Variants in PSD3 observed in about 807,000 individuals in gnomAD.
PSD3 encodes pleckstrin and Sec7 domain containing 3.
Under a neutral mutation model 105.5 loss-of-function variants are expected in PSD3, and 49 were observed. The ratio of observed to expected loss-of-function variants is 0.46; its 90% CI spans 0.37 to 0.59. PSD3 has a LOEUF of 0.59. Ranked by LOEUF, PSD3 falls within the 20% of genes least tolerant of loss-of-function variation. The pLI is 0.00. For missense variants in PSD3, 1,561 were observed against 1,263.8 expected, an observed-to-expected ratio of 1.24 and a Z score of -3.57; for synonymous variants, 557 against 457.8, an observed-to-expected ratio of 1.22 and a Z score of -2.77.
intron 9 of PSD3, among the ~76,000 whole-genome samples, chr8:18,722,674 G>A (rs1187093829): frequency 6.6e-6 from 1 of 152,130 alleles, no homozygotes; most frequent in East Asian, 1.9e-4. Flanking sequence ...CCAAGTAGGA[G>A]GAGAAAGAAG....
At chr8:18,991,106 A>G (rs1477399106) in intron 1 of PSD3, among the ~76,000 whole-genome samples, 3 of 152,120 alleles carry the variant, frequency 2.0e-5, no homozygotes, top group Non-Finnish European at 2.9e-5. Context: ...CGGGTTTTAC[A>G]TGGGCCCAAT....
chr8:18,952,116 T>C (rs1035545693), intron 1 of PSD3, among the ~76,000 whole-genome samples: 1 of 152,186 alleles, frequency 6.6e-6, no homozygotes, highest in Non-Finnish European at 1.5e-5. Flanking sequence ...ACCTTTGTTC[T>C]TAAATACAGA....
At chr8:18,879,084 A>ACACG (rs879424807) in intron 2 of PSD3, among the ~76,000 whole-genome samples, 2 of 130,188 alleles carry the variant, frequency 1.5e-5, no homozygotes, top group Admixed American at 7.5e-5. Context: ...ACACACACAC[A>ACACG]CACGCACACA....
At chr8:18,942,690 C>T (rs1338906636) in intron 1 of PSD3, among the ~76,000 whole-genome samples, 1 of 152,138 alleles carries the variant, frequency 6.6e-6, no homozygotes, top group African/African-American at 2.4e-5. Flanking sequence ...GAGAAGGTGG[C>T]CATCTGCAAG....
At chr8:18,890,416 CA>C (rs1818713750) in intron 2 of PSD3, among the ~76,000 whole-genome samples, 1 of 151,940 alleles carries the variant, frequency 6.6e-6, no homozygotes, top group Non-Finnish European at 1.5e-5. Context: ...ATCAGAATTC[CA>C]AGAAGATATT....
intron 4 of PSD3, among the ~76,000 whole-genome samples, chr8:18,819,052 T>C (rs1243597993): frequency 8.3e-6 from 1 of 120,316 alleles, no homozygotes; most frequent in African/African-American, 2.9e-5. Flanking sequence ...CTTAAGAAAG[T>C]GAACTGGAGA....
intron 1 of PSD3, among the ~76,000 whole-genome samples, chr8:19,073,095 G>C (rs557467057): frequency 6.6e-6 from 1 of 152,024 alleles, no homozygotes; most frequent in Non-Finnish European, 1.5e-5. Context: ...TGTAATTCAT[G>C]AATAACTTAT....
chr8:18,800,179 A>T (rs1401748677), intron 7 of PSD3, among the ~76,000 whole-genome samples: 5 of 152,338 alleles, frequency 3.3e-5, no homozygotes, highest in African/African-American at 1.2e-4. Flanking sequence ...TCACGAATCC[A>T]TATTTCTTAT....
chr8:18,963,396 A>G (rs1447659155), intron 1 of PSD3, among the ~76,000 whole-genome samples: 2 of 152,212 alleles, frequency 1.3e-5, no homozygotes, highest in Non-Finnish European at 2.9e-5. Flanking sequence ...TTCTCATGCA[A>G]ATACCAGAGC....
At chr8:18,752,618 ATATATAT>A (rs1805681773) in intron 9 of PSD3, among the ~76,000 whole-genome samples, 2 of 73,022 alleles carry the variant, frequency 2.7e-5, no homozygotes, top group African/African-American at 1.3e-4. Flanking sequence ...AATACATATA[ATATATAT>A]TATATATAAT....
chr8:18,585,275 T>C (rs1404001945), intron 12 of PSD3, among the ~76,000 whole-genome samples: 1 of 152,144 alleles, frequency 6.6e-6, no homozygotes, highest in Non-Finnish European at 1.5e-5. Flanking sequence ...TGTAGGAAGA[T>C]TGTGAAAAGG....
At position 18,564,464 on chromosome 8, in the gene PSD3, A is replaced by G. The variant is rs1244730648; in HGVS notation, c.2784+8064T>C. ...GCCAACATGGTGAAACCCCGTCTCT[A>G]CTAAAAATAAACACATTAGCTGGGC... On this transcript the variant is annotated intron_variant, in intron 14 of 15. Transcript: ENST00000327040. Among the ~76,000 whole-genome samples, 4 of 152,066 alleles carry G rather than the reference A, an allele frequency of 2.6e-5. No individual in the cohort carries two copies. In the East Asian group the frequency reaches 7.8e-4, roughly 29 times the overall value.
chr8:19,077,004 T>C (rs1227019279), intron 1 of PSD3, among the ~76,000 whole-genome samples: 1 of 152,218 alleles, frequency 6.6e-6, no homozygotes, highest in Non-Finnish European at 1.5e-5. Flanking sequence ...CTAGTCTTGA[T>C]TGTTTATTAC....
chr8:19,068,851 G>T (rs970592102), intron 1 of PSD3, among the ~76,000 whole-genome samples: 1 of 151,878 alleles, frequency 6.6e-6, no homozygotes, highest in Non-Finnish European at 1.5e-5. Flanking sequence ...GGCTCTGACT[G>T]TGTGAAAAAT....
chr8:19,061,083 C>A (rs1278132786), intron 1 of PSD3, among the ~76,000 whole-genome samples: 1 of 152,186 alleles, frequency 6.6e-6, no homozygotes, highest in Non-Finnish European at 1.5e-5. Flanking sequence ...TGCCAGCCTC[C>A]ACCAGCAGCA....
At chr8:18,737,436 C>T (rs1585781122) in intron 9 of PSD3, among the ~76,000 whole-genome samples, 1 of 152,216 alleles carries the variant, frequency 6.6e-6, no homozygotes, top group Middle Eastern at 3.4e-3. Context: ...GCGATCCTCC[C>T]ACCTCAGCCT....
chr8:18,995,303 C>A (rs1162904806), intron 1 of PSD3, among the ~76,000 whole-genome samples: 1 of 152,112 alleles, frequency 6.6e-6, no homozygotes, highest in Non-Finnish European at 1.5e-5. Context: ...TTGGCCTAGT[C>A]TCTTCAGCTA....
chr8:18,789,767 G>A (rs974368531), intron 8 of PSD3, among the ~76,000 whole-genome samples: 1 of 152,204 alleles, frequency 6.6e-6, no homozygotes, highest in African/African-American at 2.4e-5. Context: ...GGAAACAAGA[G>A]TCAGGGGTTT....
chr8:18,987,017 A>C (rs981582061), intron 1 of PSD3, among the ~76,000 whole-genome samples: 2 of 152,168 alleles, frequency 1.3e-5, no homozygotes, highest in African/African-American at 4.8e-5. Flanking sequence ...TTTCACAAAA[A>C]AAATTTGCAA....
Sources: gnomAD v4.1 joint callset for allele counts (sites outside exome capture counted in the v4.1 genomes callset) on GRCh38, gnomAD v4.1.1 for gene constraint, MANE v1.5 for transcripts, NCBI Gene and HGNC (gene_info 2026-07-23, HGNC 2026-07-21) for gene names.